The following CUBN variants were observed in gnomAD, a reference collection of about 807,000 sequenced individuals.
CUBN encodes the protein cubilin, also known as 460 kDa receptor.
CUBN carries 282 observed loss-of-function variants against 405.3 expected under a neutral mutation model. That is an observed-to-expected ratio of 0.70 (90% confidence interval 0.63 to 0.77). The LOEUF (loss-of-function observed/expected upper bound fraction) is 0.77. Among genes scored for constraint, CUBN ranks in the 30% least tolerant of loss-of-function variants. CUBN has a pLI of 0.00. For synonymous variants in CUBN, 1,684 were observed against 1,617.0 expected, an observed-to-expected ratio of 1.04 and a Z score of -0.99; for missense variants, 4,514 against 4,475.2, an observed-to-expected ratio of 1.01 and a Z score of -0.25.
intron 60 of CUBN, 35 bp downstream of exon 60, chr10:16,851,200 G>T: frequency 1.3e-6 from 2 of 1,499,072 alleles, no homozygotes; most frequent in South Asian, 2.3e-5. Flanking sequence ...AGTCTGGGAT[G>T]AATAGACTCT....
At chr10:17,102,395 T>A (rs1267002507) in intron 13 of CUBN, among the ~76,000 whole-genome samples, 1 of 151,620 alleles carries the variant, frequency 6.6e-6, no homozygotes, top group Non-Finnish European at 1.5e-5. Context: ...CAAGTGATTC[T>A]CCTGCCTCAG....
intron 28 of CUBN, among the ~76,000 whole-genome samples, chr10:16,999,283 G>T (rs916930296): frequency 2.0e-5 from 3 of 152,112 alleles, no homozygotes; most frequent in African/African-American, 7.2e-5. Flanking sequence ...GAAATCCAAA[G>T]AAGCCATAAT....
At chr10:16,867,030 TA>T (rs1180315057) in intron 59 of CUBN, among the ~76,000 whole-genome samples, 1 of 152,192 alleles carries the variant, frequency 6.6e-6, no homozygotes, top group Non-Finnish European at 1.5e-5. Flanking sequence ...CAGATGTACA[TA>T]AAACATTGCC....
chr10:16,835,208 A>C lies in CUBN; in HGVS notation c.10181-13T>G. Reference sequence around the variant, plus strand: ...TCTCTGTTGCAATCTTAGAGGAAAAATAGGCATAATTAATGTACGCATTCC... The same window carrying C: ...TCTCTGTTGCAATCTTAGAGGAAAACTAGGCATAATTAATGTACGCATTCC... On this transcript the variant is annotated splice_polypyrimidine_tract_variant and intron_variant, in intron 63 of 66. Coordinates refer to ENST00000377833, the MANE Select transcript of CUBN (RefSeq NM_001081.4). The C allele has an allele frequency of 6.2e-7, 1 of 1,605,396 alleles. No individual in the cohort carries two copies. The highest frequency in any genetic ancestry group is 8.5e-7 in the Non-Finnish European group (1 of 1,172,012).
At chr10:17,116,161 T>C (rs533905278) in intron 6 of CUBN, among the ~76,000 whole-genome samples, 1 of 152,358 alleles carries the variant, frequency 6.6e-6, no homozygotes, top group Admixed American at 6.5e-5. Flanking sequence ...GTGGCATTTC[T>C]TTCATAGCCA....
chr10:17,045,149 A>G lies in CUBN; in HGVS notation c.3530T>C (p.Ile1177Thr). ...ATAGGGCATCGGGTAGTTGGGAGAT[A>G]TGAACGTGCCGCTTGAAGTGGTGAG... ...GNLTTSSGTF[I>T]SPNYPMPYYH... The change falls in exon 25 of 67, where the codon ATA becomes ACA. Residue 1177 changes from isoleucine (I) to threonine (T), a missense_variant. By Grantham distance (89) the Ile-to-Thr change is moderately conservative. Around this residue, in one of 5 missense-constraint regions of CUBN, gnomAD observed 242 missense variants for 309.0 expected, o/e 0.78. Coordinates refer to ENST00000377833, the MANE Select transcript of CUBN (RefSeq NM_001081.4). The G allele has an allele frequency of 6.2e-7, 1 of 1,613,976 alleles. No homozygotes were observed. Among genetic ancestry groups the G allele is most frequent in the Non-Finnish European group, 8.5e-7 (1 of 1,179,940 alleles).
chr10:16,890,038 C>T (rs904462495), intron 55 of CUBN, among the ~76,000 whole-genome samples: 4 of 151,964 alleles, frequency 2.6e-5, no homozygotes, highest in Admixed American at 1.3e-4. Context: ...AAGCCCCCCA[C>T]GGGATTTTGT....
chr10:16,883,302 G>A (rs1333652232), intron 56 of CUBN, among the ~76,000 whole-genome samples: 1 of 152,174 alleles, frequency 6.6e-6, no homozygotes, highest in African/African-American at 2.4e-5. Context: ...ACAAATTAAA[G>A]CAAATTGGAG....
At chr10:17,044,859 T>G (rs890961111) in intron 25 of CUBN, 148 bp downstream of exon 25, 2 of 818,858 alleles carry the variant, frequency 2.4e-6, no homozygotes, top group African/African-American at 3.4e-5. Flanking sequence ...TTCACCAAAT[T>G]TCTTTTATGT....
At chr10:17,094,108 T>G (rs1344497299) in intron 14 of CUBN, among the ~76,000 whole-genome samples, 1 of 152,028 alleles carries the variant, frequency 6.6e-6, no homozygotes, top group African/African-American at 2.4e-5. Context: ...AAACCAGATC[T>G]AGATACGCCA....
intron 54 of CUBN, among the ~76,000 whole-genome samples, chr10:16,891,421 G>A (rs962635655): frequency 6.6e-6 from 1 of 152,134 alleles, no homozygotes; most frequent in Non-Finnish European, 1.5e-5. Context: ...AGGAAAGGCC[G>A]TGGCTAGTTC....
At chr10:16,842,511 CCTCT>C (rs369856568) in intron 60 of CUBN, among the ~76,000 whole-genome samples, 11 of 151,012 alleles carry the variant, frequency 7.3e-5, no homozygotes, top group African/African-American at 2.4e-4. Context: ...ATCTCTGATT[CCTCT>C]CTCTCTCTCT....
chr10:17,044,169 AATTT>A (rs899644473), intron 25 of CUBN, among the ~76,000 whole-genome samples, 186 bp from the exon 26 acceptor site: 191 of 146,930 alleles, frequency 1.3e-3, no homozygotes, highest in Non-Finnish European at 2.3e-3. Context: ...TTATAAAATA[AATTT>A]ATTTAATACA....
chr10:17,033,043 G>A (rs527799813), intron 27 of CUBN, among the ~76,000 whole-genome samples: 4 of 151,302 alleles, frequency 2.6e-5, no homozygotes, highest in Non-Finnish European at 4.4e-5. Flanking sequence ...GGTCTCCACC[G>A]TTACTCTTAC....
chr10:17,107,723 TCCTGACCTCGTGATCCA>T (rs1836670449), intron 10 of CUBN, among the ~76,000 whole-genome samples: 1 of 152,040 alleles, frequency 6.6e-6, no homozygotes, highest in South Asian at 2.1e-4. Context: ...GGTCTCTATC[TCCTGACCTCGTGATCCA>T]CCTGCCTCGA....
At chr10:17,070,644 C>T (rs568030251) in intron 19 of CUBN, among the ~76,000 whole-genome samples, 2 of 151,862 alleles carry the variant, frequency 1.3e-5, no homozygotes, top group African/African-American at 4.8e-5. Flanking sequence ...GAATTGTTTC[C>T]TTGATTTCAT....
intron 59 of CUBN, among the ~76,000 whole-genome samples, chr10:16,864,212 T>C (rs913012672): frequency 3.9e-5 from 6 of 152,358 alleles, no homozygotes; most frequent in Admixed American, 3.3e-4. Context: ...TTAATCAGAA[T>C]GTAGCTTTTG....
At chr10:16,934,617 C>A (rs1018863173) in intron 39 of CUBN, among the ~76,000 whole-genome samples, 6 of 152,040 alleles carry the variant, frequency 3.9e-5, no homozygotes, top group African/African-American at 1.4e-4. Context: ...TGCTGTTTGC[C>A]AAATATTTCC....
intron 60 of CUBN, among the ~76,000 whole-genome samples, chr10:16,850,062 T>G (rs1445398514): frequency 6.6e-6 from 1 of 152,262 alleles, no homozygotes; most frequent in Non-Finnish European, 1.5e-5. Context: ...CCTATGCCTT[T>G]TTGAAAATGT....
Sources: gnomAD v4.1 joint callset for allele counts (sites outside exome capture counted in the v4.1 genomes callset) on GRCh38, gnomAD v4.1.1 for gene constraint, gnomAD v4.1.1 regional missense constraint, MANE v1.5 for transcripts, NCBI Gene and HGNC (gene_info 2026-07-23, HGNC 2026-07-21) for gene names.